The following KCNIP4 variants were observed in gnomAD, a reference collection of about 807,000 sequenced individuals.
KCNIP4 encodes Kv channel-interacting protein 4.
In KCNIP4, 12 loss-of-function variants were observed where a neutral mutation model predicts 34.0. That is an observed-to-expected ratio of 0.35 (90% CI 0.23 to 0.57). The LOEUF (loss-of-function observed/expected upper bound fraction) is 0.57, where lower values mean the gene tolerates loss of function less well. Ranked by LOEUF, KCNIP4 falls within the 20% of genes least tolerant of loss-of-function variation. The pLI is 0.83. For synonymous variants in KCNIP4, 124 were observed against 102.2 expected, an observed-to-expected ratio of 1.21 and a Z score of -1.29; for missense variants, 238 against 311.7, an observed-to-expected ratio of 0.76 and a Z score of 1.78.
At chr4:21,821,678 T>C (rs1429614977) in intron 1 of KCNIP4, among the ~76,000 whole-genome samples, 1 of 152,198 alleles carries the variant, frequency 6.6e-6, no homozygotes, top group Non-Finnish European at 1.5e-5. Flanking sequence ...TCAGGCTTTC[T>C]TGTGAATCAT....
chr4:21,183,058 T>G, intron 1 of KCNIP4, among the ~76,000 whole-genome samples: 1 of 152,148 alleles, frequency 6.6e-6, no homozygotes. Flanking sequence ...TTTCTACTTC[T>G]ATAAGATCAA....
intron 1 of KCNIP4, among the ~76,000 whole-genome samples, chr4:21,127,933 A>G (rs1399368637): frequency 6.6e-6 from 1 of 152,218 alleles, no homozygotes; most frequent in Non-Finnish European, 1.5e-5. Flanking sequence ...ATCTGCCTCA[A>G]TCAATATTTA....
At chr4:21,564,745 C>A (rs1329154639) in intron 1 of KCNIP4, among the ~76,000 whole-genome samples, 1 of 152,064 alleles carries the variant, frequency 6.6e-6, no homozygotes, top group Non-Finnish European at 1.5e-5. Flanking sequence ...ATGGTGAGGG[C>A]TTCAGGATGC....
intron 3 of KCNIP4, among the ~76,000 whole-genome samples, chr4:20,792,934 T>C (rs1167156499): frequency 2.0e-5 from 3 of 152,184 alleles, no homozygotes; most frequent in Non-Finnish European, 4.4e-5. Flanking sequence ...TTGTTGAGGA[T>C]GTAAACAAAC....
chr4:21,726,764 T>G (rs938272823), intron 1 of KCNIP4, among the ~76,000 whole-genome samples: 2 of 152,188 alleles, frequency 1.3e-5, no homozygotes, highest in Non-Finnish European at 2.9e-5. Context: ...CCACCATTTA[T>G]ACAGTGGCTA....
intron 1 of KCNIP4, among the ~76,000 whole-genome samples, chr4:21,589,667 C>T (rs536128523): frequency 6.6e-6 from 1 of 151,988 alleles, no homozygotes; most frequent in East Asian, 1.9e-4. Flanking sequence ...ATTATGCTTC[C>T]TTTAATTCTC....
intron 1 of KCNIP4, among the ~76,000 whole-genome samples, chr4:21,630,503 T>C (rs1286442978): frequency 6.6e-6 from 1 of 151,746 alleles, no homozygotes; most frequent in African/African-American, 2.4e-5. Flanking sequence ...TTCTTCTCTA[T>C]CATCACCATA....
intron 1 of KCNIP4, among the ~76,000 whole-genome samples, chr4:21,179,307 C>T (rs975804355): frequency 6.6e-6 from 1 of 152,152 alleles, no homozygotes; most frequent in African/African-American, 2.4e-5. Flanking sequence ...TGGTTCATTT[C>T]CCTCAGCTTC....
At chr4:20,883,418 GAT>G (rs1467199278) in intron 1 of KCNIP4, among the ~76,000 whole-genome samples, 2 of 152,158 alleles carry the variant, frequency 1.3e-5, no homozygotes, top group African/African-American at 4.8e-5. Flanking sequence ...TGTGACAGCA[GAT>G]ACCTGGAGAT....
At chr4:21,702,470 C>A (rs1712935058) in intron 1 of KCNIP4, among the ~76,000 whole-genome samples, 1 of 151,924 alleles carries the variant, frequency 6.6e-6, no homozygotes, top group Non-Finnish European at 1.5e-5. Flanking sequence ...CTACAAACAG[C>A]CCTACAACAT....
intron 1 of KCNIP4, among the ~76,000 whole-genome samples, chr4:21,764,042 A>G (rs1165593751): frequency 6.6e-6 from 1 of 152,178 alleles, no homozygotes; most frequent in Non-Finnish European, 1.5e-5. Flanking sequence ...AGTAATGAAC[A>G]GTATGGTAAA....
At chr4:21,317,662 C>T (rs1158503975) in intron 1 of KCNIP4, among the ~76,000 whole-genome samples, 3 of 152,210 alleles carry the variant, frequency 2.0e-5, no homozygotes, top group Non-Finnish European at 4.4e-5. Flanking sequence ...TTTTGGAGAT[C>T]CTCTTTTGAG....
intron 1 of KCNIP4, among the ~76,000 whole-genome samples, chr4:21,746,260 G>C (rs965836686): frequency 6.6e-6 from 1 of 152,126 alleles, no homozygotes; most frequent in African/African-American, 2.4e-5. Context: ...CATATGTATT[G>C]AGGTGGGAAG....
At position 20,925,198 on chromosome 4, in the gene KCNIP4, T is replaced by A. The variant is rs965828404; in HGVS notation, c.62-42489A>T. 7.2e-5 allele frequency among the ~76,000 whole-genome samples: 11 copies of A among 152,186 alleles called. No homozygotes were observed. The East Asian group carries it at 1.7e-3, about 24-fold the overall frequency. On this transcript the variant is annotated intron_variant, in intron 1 of 8. Transcript: ENST00000382152. The stretch of plus-strand genomic sequence containing the variant: ...CTCGGTGAGGGTATTTGGATGAGGA[T>A]TCACAAGTCATATCCATGACTATTG...
chr4:21,358,585 T>C (rs1335087894), intron 1 of KCNIP4, among the ~76,000 whole-genome samples: 2 of 152,120 alleles, frequency 1.3e-5, no homozygotes, highest in Non-Finnish European at 2.9e-5. Context: ...GGTGACCAGA[T>C]TGAACATTAT....
intron 1 of KCNIP4, among the ~76,000 whole-genome samples, chr4:21,918,794 G>T (rs185092844): frequency 3.9e-4 from 60 of 152,210 alleles, no homozygotes; most frequent in African/African-American, 1.4e-3. Context: ...AAATTTTCAT[G>T]GGCAAAAAAA....
chr4:20,836,813 T>C (rs2149465273), intron 3 of KCNIP4, among the ~76,000 whole-genome samples: 1 of 152,150 alleles, frequency 6.6e-6, no homozygotes, highest in East Asian at 1.9e-4. Flanking sequence ...ATAAAACTTA[T>C]CATCATACTT....
intron 1 of KCNIP4, among the ~76,000 whole-genome samples, chr4:20,989,423 C>A (rs942536851): frequency 1.3e-5 from 2 of 152,152 alleles, no homozygotes; most frequent in Non-Finnish European, 2.9e-5. Context: ...GGCTTTGAAT[C>A]CTCTAGCTTT....
chr4:21,348,359 A>G (rs1717670428), intron 1 of KCNIP4, among the ~76,000 whole-genome samples: 1 of 152,226 alleles, frequency 6.6e-6, no homozygotes, highest in Admixed American at 6.5e-5. Flanking sequence ...CTGCCAGGTT[A>G]TACTGCAAAG....
Sources: allele counts gnomAD v4.1 joint callset (sites outside exome capture counted in the v4.1 genomes callset), GRCh38; gene constraint gnomAD v4.1.1; transcripts MANE v1.5; gene names NCBI Gene and HGNC (gene_info 2026-07-23, HGNC 2026-07-21).